Variants in ADAMTSL1 observed in about 807,000 individuals in gnomAD.
The protein encoded by ADAMTSL1 is ADAMTS like 1, also known as ADAMTS-like protein 1.
ADAMTSL1 carries 126 observed loss-of-function variants against 201.8 expected under a neutral mutation model. The observed-to-expected ratio is 0.62, with a 90% confidence interval of 0.54 to 0.72. The LOEUF (loss-of-function observed/expected upper bound fraction) is 0.72, where lower values mean the gene tolerates loss of function less well. ADAMTSL1 is among the 30% of genes least tolerant of loss of function. The pLI is 0.00. For synonymous variants in ADAMTSL1, 1,121 were observed against 903.4 expected (o/e 1.24, Z -4.32); for missense variants, 2,679 against 2,277.8 (o/e 1.18, Z -3.59).
rs555360658 is a variant in ADAMTSL1 at position 18,865,092 on chromosome 9, A to G, written c.4250-22739A>G. 3.9e-5 allele frequency among the ~76,000 whole-genome samples: 6 copies of G among 152,174 alleles called. No homozygotes were observed. The East Asian group carries it at 5.8e-4, about 15-fold the overall frequency. ...TCTAGGGTACATGTGCACAACGTGCAGATTTGTTACATATGTACACATGTG... is the reference window on the plus strand; with the variant it reads ...TCTAGGGTACATGTGCACAACGTGCGGATTTGTTACATATGTACACATGTG... On this transcript the variant is annotated intron_variant, in intron 23 of 28. Coordinates refer to ENST00000380548, the MANE Select transcript of ADAMTSL1 (RefSeq NM_001040272.6).
At chr9:17,921,706 C>T (rs1375965275) in intron 1 of ADAMTSL1, among the ~76,000 whole-genome samples, 1 of 152,092 alleles carries the variant, frequency 6.6e-6, no homozygotes, top group Admixed American at 6.6e-5. Context: ...GATTTGTGTT[C>T]TAGAGGCCCA....
In ADAMTSL1 at chr9:18,091,689, C is replaced by A. The variant is rs191179529; in HGVS notation, c.88-72173C>A. Reference sequence around the variant, plus strand: ...TTTTCTCACATGAAAATGAGGATAGCCATCACAGTGAACTTATAGAGCAAT... The same window carrying A: ...TTTTCTCACATGAAAATGAGGATAGACATCACAGTGAACTTATAGAGCAAT... On this transcript the variant is annotated intron_variant, in intron 1 of 29. Coordinates refer to the ADAMTSL1 transcript ENST00000680146. Among the ~76,000 whole-genome samples the A allele has an allele frequency of 1.4e-3, 206 of 152,068 alleles. 2 individuals carry two copies. The highest frequency in any genetic ancestry group is 6.8e-4 in the Non-Finnish European group (46 of 67,990).
intron 2 of ADAMTSL1, among the ~76,000 whole-genome samples, chr9:18,256,906 C>G (rs188266250): frequency 1.3e-3 from 205 of 152,326 alleles, no homozygotes; most frequent in Non-Finnish European, 2.3e-3. Context: ...CCCCCACTGA[C>G]TTTTACCCCT....
At chr9:18,746,774 CAA>C (rs35648138) in intron 15 of ADAMTSL1, among the ~76,000 whole-genome samples, 29,116 of 120,662 alleles carry the variant, frequency 0.24, 2,793 homozygotes, top group African/African-American at 0.28. Context: ...CAAAGGAAGG[CAA>C]AAAAAAAAAA....
At chr9:17,970,005 C>T (rs190526398) in intron 1 of ADAMTSL1, among the ~76,000 whole-genome samples, 1 of 152,126 alleles carries the variant, frequency 6.6e-6, no homozygotes, top group Admixed American at 6.6e-5. Context: ...TTATCCTGTA[C>T]CTCTGGGCTT....
intron 2 of ADAMTSL1, among the ~76,000 whole-genome samples, chr9:18,234,192 C>A (rs1051660246): frequency 6.6e-6 from 1 of 152,122 alleles, no homozygotes; most frequent in Non-Finnish European, 1.5e-5. Context: ...CAGCTGGGTG[C>A]CTCGGAGGAC....
chr9:18,787,272 C>T (rs578180954), intron 19 of ADAMTSL1, among the ~76,000 whole-genome samples: 1 of 152,268 alleles, frequency 6.6e-6, no homozygotes, highest in South Asian at 2.1e-4. Flanking sequence ...CCAGTAAATA[C>T]ATAAGCCTCA....
At chr9:18,889,769 C>G (rs745494594) in intron 25 of ADAMTSL1, 21 bp downstream of exon 25, 1 of 1,448,546 alleles carries the variant, frequency 6.9e-7, no homozygotes, top group Non-Finnish European at 9.1e-7. Context: ...CGGACACTGG[C>G]TCAGACCTCC....
intron 2 of ADAMTSL1, among the ~76,000 whole-genome samples, chr9:18,255,444 G>A (rs961251151): frequency 2.0e-5 from 3 of 152,138 alleles, no homozygotes; most frequent in African/African-American, 7.2e-5. Flanking sequence ...TGCAGAGTCA[G>A]AAAGAAGGCT....
At chr9:18,550,210 C>A (rs1820716100) in intron 3 of ADAMTSL1, among the ~76,000 whole-genome samples, 1 of 151,886 alleles carries the variant, frequency 6.6e-6, no homozygotes. Flanking sequence ...ATCCCTGAAA[C>A]TTGTGAATAT....
At chr9:18,086,347 C>T (rs904724590) in intron 1 of ADAMTSL1, among the ~76,000 whole-genome samples, 1 of 151,980 alleles carries the variant, frequency 6.6e-6, no homozygotes, top group Non-Finnish European at 1.5e-5. Context: ...TTAAATAAAA[C>T]AGAGTGACCA....
At chr9:18,792,810 T>C (rs1359168472) in intron 19 of ADAMTSL1, among the ~76,000 whole-genome samples, 1 of 152,262 alleles carries the variant, frequency 6.6e-6, no homozygotes, top group Non-Finnish European at 1.5e-5. Flanking sequence ...ACAGTCATAC[T>C]ATGATCTAAA....
chr9:18,563,780 G>A (rs1821697028), intron 3 of ADAMTSL1, among the ~76,000 whole-genome samples: 1 of 152,192 alleles, frequency 6.6e-6, no homozygotes, highest in Non-Finnish European at 1.5e-5. Flanking sequence ...GCTCTGCCCA[G>A]TTCAAACCTC....
At chr9:18,030,616 G>A (rs1820910593) in intron 1 of ADAMTSL1, among the ~76,000 whole-genome samples, 1 of 152,086 alleles carries the variant, frequency 6.6e-6, no homozygotes, top group Admixed American at 6.5e-5. Context: ...GATGACTTAT[G>A]TTTCTTAGAG....
Position 18,574,072 on chromosome 9 carries a change from T to G in ADAMTSL1, c.280T>G (p.Ser94Ala), listed in dbSNP as rs1477782261. ...EAGDFRAQQC[S>A]AHNDVKHHGQ... ...AGGTGATTTCCGAGCTCAGCAATGC[T>G]CAGCTCATAATGATGTCAAGCACCA... The change falls in exon 4 of 29, where the codon TCA (serine) becomes GCA (alanine). Residue 94 changes from serine (S) to alanine (A), a missense_variant. By Grantham distance (99) the Ser-to-Ala change is moderately conservative. Transcript: ENST00000380548. The G allele has an allele frequency of 6.2e-7, 1 of 1,614,128 alleles. No individual in the cohort carries two copies. The highest frequency in any genetic ancestry group is 8.5e-7 in the Non-Finnish European group (1 of 1,180,008).
At chr9:18,256,503 C>G (rs1323119839) in intron 2 of ADAMTSL1, among the ~76,000 whole-genome samples, 1 of 152,182 alleles carries the variant, frequency 6.6e-6, no homozygotes, top group Admixed American at 6.5e-5. Flanking sequence ...TGAACCTTCT[C>G]TGTCTAAAAC....
intron 7 of ADAMTSL1, among the ~76,000 whole-genome samples, chr9:18,655,473 A>C (rs1026848775): frequency 6.6e-6 from 1 of 152,180 alleles, no homozygotes; most frequent in Non-Finnish European, 1.5e-5. Context: ...TTAGCTCCCT[A>C]AACCAAATGT....
intron 3 of ADAMTSL1, among the ~76,000 whole-genome samples, chr9:18,566,620 G>A (rs1821912581): frequency 6.6e-6 from 1 of 152,162 alleles, no homozygotes; most frequent in Non-Finnish European, 1.5e-5. Flanking sequence ...AGAATTCCAG[G>A]CAGAAGGGAT....
chr9:18,850,149 A>T (rs1477379851), intron 23 of ADAMTSL1, among the ~76,000 whole-genome samples: 2 of 152,234 alleles, frequency 1.3e-5, no homozygotes, highest in African/African-American at 4.8e-5. Flanking sequence ...GACGCTAGAT[A>T]GGAAATGAGG....
Sources: gnomAD v4.1 joint callset for allele counts (sites outside exome capture counted in the v4.1 genomes callset) on GRCh38, gnomAD v4.1.1 for gene constraint, MANE v1.5 for transcripts, NCBI Gene and HGNC (gene_info 2026-07-23, HGNC 2026-07-21) for gene names.